Variants in ATP8A2 observed in about 807,000 individuals in gnomAD.
The protein encoded by ATP8A2 is phospholipid-transporting ATPase IB.
Under a neutral mutation model 165.6 loss-of-function variants are expected in ATP8A2, and 100 were observed. That is an observed-to-expected ratio of 0.60 (90% CI 0.51 to 0.71). The LOEUF is 0.71. ATP8A2 is among the 30% of genes least tolerant of loss of function. The pLI, the probability that ATP8A2 is intolerant of heterozygous loss-of-function variation, is 0.00. For missense variants in ATP8A2, 1,227 were observed against 1,479.5 expected, an observed-to-expected ratio of 0.83 and a Z score of 2.80; for synonymous variants, 543 against 548.8, an observed-to-expected ratio of 0.99 and a Z score of 0.15.
In ATP8A2 at chr13:25,555,033, G is replaced by A; in HGVS notation, c.1228G>A (p.Ala410Thr). 1 of 1,613,072 alleles carries A rather than the reference G, an allele frequency of 6.2e-7. No homozygotes were observed. Among genetic ancestry groups the A allele is most frequent in the Non-Finnish European group, 8.5e-7 (1 of 1,179,320 alleles). ...TATAGGAAATGACACTCCTGCCATGGCCAGGACATCAAACCTTAATGAAGA... is the reference window on the plus strand; with the variant it reads ...TATAGGAAATGACACTCCTGCCATGACCAGGACATCAAACCTTAATGAAGA... ...YYIGNDTPAM[A>T]RTSNLNEELG... The change falls in exon 13 of 37, where the codon GCC becomes ACC. Residue 410 changes from alanine (A) to threonine (T), a missense_variant. Coordinates refer to ENST00000381655, the MANE Select transcript of ATP8A2 (RefSeq NM_016529.6).
intron 16 of ATP8A2, among the ~76,000 whole-genome samples, chr13:25,565,155 G>A (rs534275903): frequency 6.6e-6 from 1 of 152,074 alleles, no homozygotes; most frequent in African/African-American, 2.4e-5. Flanking sequence ...TTGATTGATG[G>A]GCATTTGGGT....
At chr13:25,746,534 G>A (rs750391556) in intron 25 of ATP8A2, among the ~76,000 whole-genome samples, 3 of 152,230 alleles carry the variant, frequency 2.0e-5, no homozygotes, top group Non-Finnish European at 2.9e-5. Context: ...ACTCTGTATA[G>A]TAGGTTCAAA....
intron 1 of ATP8A2, among the ~76,000 whole-genome samples, chr13:25,465,677 TTCTTTCTTTCTTTCTTTCTTTCTTTC>T (rs2035620749): frequency 3.6e-4 from 3 of 8,276 alleles, no homozygotes; most frequent in Admixed American, 3.5e-3. Context: ...CTTTCTTTCT[TTCTTTCTTTCTTTCTTTCTTTCTTTC>T]TTTCTTTCTT....
intron 24 of ATP8A2, among the ~76,000 whole-genome samples, chr13:25,695,067 T>C (rs1382426712): frequency 6.6e-6 from 1 of 152,168 alleles, no homozygotes; most frequent in Non-Finnish European, 1.5e-5. Context: ...ACCTCAGAGA[T>C]ATTGCAGATT....
chr13:25,683,229 A>G (rs1349820350), intron 24 of ATP8A2, among the ~76,000 whole-genome samples: 1 of 152,176 alleles, frequency 6.6e-6, no homozygotes, highest in African/African-American at 2.4e-5. Flanking sequence ...CTTAGACATT[A>G]AGCCTGTAGC....
chr13:25,785,762 C>T (rs1257218120), intron 27 of ATP8A2, among the ~76,000 whole-genome samples: 1 of 152,084 alleles, frequency 6.6e-6, no homozygotes, highest in African/African-American at 2.4e-5. Flanking sequence ...AGCCCAAGAT[C>T]AAGAATGGAG....
At chr13:25,961,095 C>A (rs1293053578) in intron 33 of ATP8A2, among the ~76,000 whole-genome samples, 1 of 152,202 alleles carries the variant, frequency 6.6e-6, no homozygotes, top group East Asian at 1.9e-4. Flanking sequence ...GGACTATAAC[C>A]TATTCATCTT....
At chr13:25,744,842 T>G (rs1277814461) in intron 25 of ATP8A2, among the ~76,000 whole-genome samples, 1 of 152,202 alleles carries the variant, frequency 6.6e-6, no homozygotes, top group East Asian at 1.9e-4. Flanking sequence ...GAAAGGACCT[T>G]AAATGTATTT....
At chr13:25,992,684 T>G (rs573507794) in intron 35 of ATP8A2, among the ~76,000 whole-genome samples, 13 of 152,010 alleles carry the variant, frequency 8.6e-5, no homozygotes, top group Admixed American at 2.6e-4. Context: ...ATAGTTTTTT[T>G]TTTGTTTGTT....
intron 24 of ATP8A2, among the ~76,000 whole-genome samples, chr13:25,652,857 T>A (rs1363615806): frequency 6.6e-6 from 1 of 152,212 alleles, no homozygotes; most frequent in Admixed American, 6.5e-5. Flanking sequence ...TTCTTCCTTT[T>A]ATTTGGAATG....
At chr13:25,660,367 C>T (rs2042023229) in intron 24 of ATP8A2, among the ~76,000 whole-genome samples, 1 of 152,082 alleles carries the variant, frequency 6.6e-6, no homozygotes, top group Non-Finnish European at 1.5e-5. Flanking sequence ...CCACTAGAGC[C>T]CAATTTAAAA....
chr13:25,844,716 C>G (rs2138681497), intron 30 of ATP8A2, among the ~76,000 whole-genome samples: 1 of 152,088 alleles, frequency 6.6e-6, no homozygotes, highest in East Asian at 1.9e-4. Flanking sequence ...CCTCAGATGG[C>G]CACCCACACC....
At chr13:25,645,434 A>C (rs1285366186) in intron 24 of ATP8A2, among the ~76,000 whole-genome samples, 2 of 152,128 alleles carry the variant, frequency 1.3e-5, no homozygotes, top group African/African-American at 4.8e-5. Context: ...GATCTTAATT[A>C]TTTCTTTCCT....
chr13:25,540,320 G>C lies in ATP8A2; in HGVS notation c.583G>C (p.Glu195Gln). Reference sequence around the variant, plus strand: ...GGCTCTTTTTTTCTCTCTCCTTAGTGAACCTCAGGCAATGTGTTATGTTGA... The same window carrying C: ...GGCTCTTTTTTTCTCTCTCCTTAGTCAACCTCAGGCAATGTGTTATGTTGA... The part of the protein sequence containing the change: ...PADVVLLSSS[E>Q]PQAMCYVETA... Residue 195 changes from glutamate (E) to glutamine (Q), a missense_variant and splice_region_variant, in exon 8 of 37, where the codon GAA becomes CAA. This residue lies in a region of ATP8A2 where 356 missense variants were observed against 394.9 expected (regional missense o/e 0.90). Coordinates refer to ENST00000381655, the MANE Select transcript of ATP8A2 (RefSeq NM_016529.6). The C allele has an allele frequency of 6.2e-7, 1 of 1,613,090 alleles. No individual in the cohort carries two copies. The highest frequency in any genetic ancestry group is 8.5e-7 in the Non-Finnish European group (1 of 1,179,118).
intron 25 of ATP8A2, among the ~76,000 whole-genome samples, chr13:25,735,002 A>C (rs1201441405): frequency 6.6e-6 from 1 of 152,150 alleles, no homozygotes; most frequent in Non-Finnish European, 1.5e-5. Flanking sequence ...ACAAGCGATA[A>C]GTTCTATCTG....
rs749920769 is a variant in ATP8A2, at chr13:25,459,870, GC to G, written c.77-9105del. Among the ~76,000 whole-genome samples, 16 of 152,262 alleles carry G rather than the reference GC, an allele frequency of 1.1e-4. No homozygotes were observed. In the East Asian group the frequency reaches 2.9e-3, roughly 28 times the overall value. On this transcript the variant is annotated intron_variant, in intron 1 of 36. Transcript: ENST00000381655. Reference sequence around the variant, plus strand: ...TGGCTATGGGGTTGGTTGCAGTGAAGCCATGAGCCTTTGGCCAAGCTGTGTG... The same window carrying G: ...TGGCTATGGGGTTGGTTGCAGTGAAGCATGAGCCTTTGGCCAAGCTGTGTG...
At position 25,537,817 on chromosome 13, in the gene ATP8A2, A is replaced by G. The variant is rs79402290; in HGVS notation, c.508-171A>G. Among the ~76,000 whole-genome samples the G allele has an allele frequency of 2.4e-3, 367 of 152,340 alleles. 7 individuals are homozygous for G. The East Asian group carries it at 0.057, about 24-fold the overall frequency. On this transcript the variant is annotated intron_variant, in intron 6 of 36. Transcript: ENST00000381655. ...GGCAACATTACCAGTGTCTGCATGG[A>G]AGCACTTTCCTTTTGTTCTTGTCAA...
intron 33 of ATP8A2, among the ~76,000 whole-genome samples, chr13:25,887,447 T>G (rs1186905478): frequency 6.6e-6 from 1 of 152,120 alleles, no homozygotes; most frequent in Non-Finnish European, 1.5e-5. Flanking sequence ...CAAGCGATTC[T>G]CTTGCCTCAG....
intron 2 of ATP8A2, among the ~76,000 whole-genome samples, chr13:25,480,622 A>C (rs1295848849): frequency 6.8e-6 from 1 of 147,588 alleles, no homozygotes; most frequent in Non-Finnish European, 1.5e-5. Context: ...GGCGCTCCTC[A>C]CTTCCTAGAT....
Sources: allele counts gnomAD v4.1 joint callset (sites outside exome capture counted in the v4.1 genomes callset), GRCh38; gene constraint gnomAD v4.1.1; regional missense constraint gnomAD v4.1.1; transcripts MANE v1.5; gene names NCBI Gene and HGNC (gene_info 2026-07-23, HGNC 2026-07-21).